The following HDAC9 variants were observed in gnomAD, a reference collection of about 807,000 sequenced individuals.
The protein encoded by HDAC9 is MEF-2 interacting transcription repressor (MITR) protein.
A neutral mutation model predicts 139.4 loss-of-function variants in HDAC9; 41 were observed. The observed-to-expected ratio is 0.29, with a 90% CI of 0.23 to 0.38. The LOEUF is 0.38. Among genes scored for constraint, HDAC9 ranks in the 10% least tolerant of loss-of-function variants. HDAC9 has a pLI of 1.00. For synonymous variants in HDAC9, 517 were observed against 476.2 expected, an observed-to-expected ratio of 1.09 and a Z score of -1.12; for missense variants, 1,147 against 1,297.0, an observed-to-expected ratio of 0.88 and a Z score of 1.78.
At position 18,257,113 on chromosome 7, in the gene HDAC9, CAT is replaced by C. The variant is rs1491500887; in HGVS notation, c.25+94765_25+94766del. 1.0e-4 allele frequency among the ~76,000 whole-genome samples: 9 copies of C among 87,100 alleles called. No individual in the cohort carries two copies. In the East Asian group the frequency reaches 1.1e-3, roughly 10 times the overall value. 57.1% of individuals were successfully genotyped at this position (87,100 alleles called of 152,430 possible). ...CAAATTGTGTATGTGTGTGTGTGTG[CAT>C]GTATGTGTGTGTGTGTGTGTGTGTG... On this transcript the variant is annotated intron_variant, in intron 2 of 12. Coordinates refer to the HDAC9 transcript ENST00000417496.
chr7:18,474,511 A>G (rs1402481581), intron 1 of HDAC9, among the ~76,000 whole-genome samples: 4 of 152,158 alleles, frequency 2.6e-5, no homozygotes, highest in Non-Finnish European at 5.9e-5. Flanking sequence ...TTATTTGTAC[A>G]TATTTTATTA....
intron 24 of HDAC9, among the ~76,000 whole-genome samples, chr7:18,968,725 C>T (rs2129333171): frequency 6.6e-6 from 1 of 152,032 alleles, no homozygotes; most frequent in Non-Finnish European, 1.5e-5. Context: ...TTTGGGAGGC[C>T]GAGGCGGGCG....
chr7:18,348,567 A>ACCTAGAC, intron 1 of HDAC9, among the ~76,000 whole-genome samples: 1 of 152,170 alleles, frequency 6.6e-6, no homozygotes, highest in East Asian at 1.9e-4. Context: ...AGGTATTTTT[A>ACCTAGAC]CTATACACCA....
At chr7:18,411,969 G>A (rs1180555425) in intron 1 of HDAC9, among the ~76,000 whole-genome samples, 1 of 151,904 alleles carries the variant, frequency 6.6e-6, no homozygotes, top group Non-Finnish European at 1.5e-5. Context: ...GGGACTACAG[G>A]TGTGCACCAC....
At chr7:18,160,942 G>A (rs946909141) in intron 1 of HDAC9, among the ~76,000 whole-genome samples, 1 of 152,062 alleles carries the variant, frequency 6.6e-6, no homozygotes, top group African/African-American at 2.4e-5. Context: ...ACTAATGTCA[G>A]AATGTCCATT....
chr7:18,129,648 C>G (rs1302746509), intron 1 of HDAC9, among the ~76,000 whole-genome samples: 1 of 152,154 alleles, frequency 6.6e-6, no homozygotes, highest in South Asian at 2.1e-4. Context: ...GTAGCTTGTG[C>G]AGTCTTGTAA....
chr7:18,273,055 C>CTTTTTTTTTTTTTTTTTTTTTTTT (rs1491175072), intron 2 of HDAC9, among the ~76,000 whole-genome samples: 1 of 68,236 alleles, frequency 1.5e-5, no homozygotes, highest in Non-Finnish European at 2.6e-5. Context: ...TCCCCTTCTT[C>CTTTTTTTTTTTTTTTTTTTTTTTT]GTTTTTTTTT....
intron 14 of HDAC9, among the ~76,000 whole-genome samples, chr7:18,760,646 A>C (rs1404914227): frequency 6.6e-6 from 1 of 152,228 alleles, no homozygotes; most frequent in African/African-American, 2.4e-5. Context: ...AAAGTTCCAT[A>C]AGTATTCATG....
At chr7:18,811,051 A>C (rs924512521) in intron 17 of HDAC9, among the ~76,000 whole-genome samples, 1 of 151,846 alleles carries the variant, frequency 6.6e-6, no homozygotes, top group Admixed American at 6.6e-5. Flanking sequence ...AGAAAATGAC[A>C]AACTATTTTC....
intron 2 of HDAC9, among the ~76,000 whole-genome samples, chr7:18,188,119 C>T (rs1790057013): frequency 6.6e-6 from 1 of 152,242 alleles, no homozygotes; most frequent in Admixed American, 6.5e-5. Flanking sequence ...CTACAGTAAC[C>T]AAAACAGCAT....
At chr7:18,287,195 T>C (rs1306187250), upstream of HDAC9, among the ~76,000 whole-genome samples, 1 of 152,194 alleles carries the variant, frequency 6.6e-6, no homozygotes, top group Non-Finnish European at 1.5e-5. Context: ...GAAATATATT[T>C]TCTATTGCTT....
chr7:18,745,759 G>T (rs932780208), intron 13 of HDAC9, among the ~76,000 whole-genome samples: 1 of 151,424 alleles, frequency 6.6e-6, no homozygotes. Flanking sequence ...TGTTAGCCAG[G>T]TTGGTCTCGA....
chr7:18,463,232 AT>A (rs961622265), intron 1 of HDAC9, among the ~76,000 whole-genome samples: 2 of 151,952 alleles, frequency 1.3e-5, no homozygotes, highest in African/African-American at 2.4e-5. Context: ...AAATTCTCTT[AT>A]TAGAGTTGGC....
At chr7:18,355,616 T>C (rs1229497456) in intron 1 of HDAC9, among the ~76,000 whole-genome samples, 1 of 152,112 alleles carries the variant, frequency 6.6e-6, no homozygotes, top group Non-Finnish European at 1.5e-5. Flanking sequence ...TCAGAGACAT[T>C]AGAGACAAAT....
intron 2 of HDAC9, among the ~76,000 whole-genome samples, chr7:18,524,545 T>C (rs898902847): frequency 2.0e-5 from 3 of 152,166 alleles, no homozygotes; most frequent in African/African-American, 7.2e-5. Flanking sequence ...ATATTATGTT[T>C]TGTGGCTGCA....
intron 1 of HDAC9, among the ~76,000 whole-genome samples, chr7:18,429,593 A>G (rs539407236): frequency 1.3e-5 from 2 of 151,610 alleles, no homozygotes; most frequent in African/African-American, 4.9e-5. Context: ...ATGTATTTTA[A>G]ACTTGTCTTT....
chr7:18,373,925 A>T (rs1371457706), intron 1 of HDAC9, among the ~76,000 whole-genome samples: 1 of 152,100 alleles, frequency 6.6e-6, no homozygotes, highest in African/African-American at 2.4e-5. Context: ...CTATAATTAG[A>T]TATTTAATCT....
chr7:18,481,549 G>A (rs1271894142), intron 1 of HDAC9, among the ~76,000 whole-genome samples: 4 of 152,138 alleles, frequency 2.6e-5, no homozygotes, highest in Non-Finnish European at 5.9e-5. Context: ...TTTACTTTGA[G>A]TACCAGGGTA....
intron 3 of HDAC9, 45 bp downstream of exon 3, chr7:18,585,567 C>T (rs370454431): frequency 6.2e-7 from 1 of 1,601,346 alleles, no homozygotes; most frequent in Non-Finnish European, 8.5e-7. Flanking sequence ...GGAGTCTGCA[C>T]CGTGGTGGGC....
Sources: gnomAD v4.1 joint callset for allele counts (sites outside exome capture counted in the v4.1 genomes callset) on GRCh38, gnomAD v4.1.1 for gene constraint, MANE v1.5 for transcripts, NCBI Gene and HGNC (gene_info 2026-07-23, HGNC 2026-07-21) for gene names.